SUSD5: variants seen among roughly 807,000 people sequenced by gnomAD.
SUSD5 encodes sushi domain-containing protein 5.
In SUSD5, 33 loss-of-function variants were observed where a neutral mutation model predicts 29.5. The ratio of observed to expected loss-of-function variants is 1.12; its 90% confidence interval spans 0.85 to 1.49. SUSD5 has a LOEUF of 1.49. Ranked by LOEUF, SUSD5 falls within the 40% of genes most tolerant of loss-of-function variation. The probability of loss-of-function intolerance (pLI) is 0.00; values close to 1 mark genes in which losing one functional copy is unlikely to be tolerated. For missense variants in SUSD5, 776 were observed against 800.6 expected (o/e 0.97, Z 0.37); for synonymous variants, 308 against 325.3 (o/e 0.95, Z 0.57).
At chr3:33,215,756 T>C (rs1025348597) in intron 1 of SUSD5, among the ~76,000 whole-genome samples, 3 of 152,186 alleles carry the variant, frequency 2.0e-5, no homozygotes, top group Non-Finnish European at 2.9e-5. Context: ...AATATACTTC[T>C]AAATAAACTG....
rs2031331727 is a variant in SUSD5, at chr3:33,167,569, T to C, written c.598+7317A>G. ...CCAGGGCCCCGAACTAAGCTCTTCC[T>C]GTCTCCCCAGGTTCGCAGGTCAAGG... On this transcript the variant is annotated intron_variant, in intron 4 of 4. Transcript: ENST00000309558. The surrounding 1 kb of genome is among the most constrained non-coding windows in gnomAD (Gnocchi z 4.1). Among the ~76,000 whole-genome samples, 1 of 152,208 alleles carries C rather than the reference T, an allele frequency of 6.6e-6. No homozygotes were observed. Among genetic ancestry groups the C allele is most frequent in the Non-Finnish European group, 1.5e-5 (1 of 68,024 alleles).
chr3:33,207,773 C>G, intron 3 of SUSD5, 35 bp downstream of exon 3: 3 of 1,447,692 alleles, frequency 2.1e-6, no homozygotes, highest in Non-Finnish European at 2.9e-6. Flanking sequence ...CAAGAGCACA[C>G]CCTCCAGCAC....
At chr3:33,171,467 T>A (rs116470622) in intron 4 of SUSD5, among the ~76,000 whole-genome samples, 20,346 of 152,196 alleles carry the variant, frequency 0.13, 1,574 homozygotes, top group South Asian at 0.23. Context: ...GTAGGAAATT[T>A]TTTTAAAAAG....
chr3:33,183,709 T>C (rs35378277), intron 3 of SUSD5, among the ~76,000 whole-genome samples: 13,997 of 152,084 alleles, frequency 0.092, 749 homozygotes, highest in East Asian at 0.18. Flanking sequence ...TTTATTTACA[T>C]AGGTCTGAGT....
chr3:33,177,763 A>C (rs997961426), intron 3 of SUSD5, among the ~76,000 whole-genome samples: 1 of 152,236 alleles, frequency 6.6e-6, no homozygotes, highest in Non-Finnish European at 1.5e-5. Flanking sequence ...TGTATCCTGC[A>C]ATCCTGCTAT....
At position 33,153,566 on chromosome 3, in the gene SUSD5, T is replaced by G; in HGVS notation, c.1066A>C (p.Ser356Arg). Residue 356 changes from serine to arginine, a missense_variant, in exon 5 of 5, where the codon AGC becomes CGC. Physicochemically the swap from Ser to Arg is moderately radical, Grantham distance 110. Transcript: ENST00000309558. Reference sequence around the variant, plus strand: ...CTCACCACTGGATCTCCTGCCTTGCTGTCATTCTTGCCCACAAATGGCCCC... The same window carrying G: ...CTCACCACTGGATCTCCTGCCTTGCGGTCATTCTTGCCCACAAATGGCCCC... ...PSGPFVGKND[S>R]KAGDPVVSSS... The G allele has an allele frequency of 6.2e-7, 1 of 1,614,062 alleles. No individual in the cohort carries two copies. Among genetic ancestry groups the G allele is most frequent in the Admixed American group, 1.7e-5 (1 of 60,024 alleles).
At position 33,218,766 on chromosome 3, in the gene SUSD5, C is replaced by T; in HGVS notation, c.32G>A (p.Arg11His). Residue 11 changes from arginine (R) to histidine (H), a missense_variant, in exon 1 of 5, where the codon CGT (arginine) becomes CAT (histidine). Physicochemically the swap from Arg to His is conservative, Grantham distance 29. Transcript: ENST00000309558. MTAEGPSPPA[R>H]WHRRLPGLWA... ...GAGCCCGGGGAGGCGTCTGTGCCAA[C>T]GGGCAGGCGGGCTGGGTCCCTCGGC... 2 of 1,426,580 alleles carry T rather than the reference C, an allele frequency of 1.4e-6. No individual in the cohort carries two copies. Among genetic ancestry groups the T allele is most frequent in the East Asian group, 3.0e-5 (1 of 33,202 alleles). The allele number at this position is 1,426,580 out of a possible 1,614,324, so 88.4% of individuals were successfully genotyped here.
chr3:33,205,746 C>A (rs1478006999), intron 3 of SUSD5, among the ~76,000 whole-genome samples: 3 of 152,202 alleles, frequency 2.0e-5, no homozygotes, highest in Non-Finnish European at 4.4e-5. Flanking sequence ...CAACGGCCAG[C>A]CAACTCCTAG....
rs147391255 is a variant in SUSD5 at position 33,215,466 on chromosome 3, T to C, written c.113-1361A>G. Among the ~76,000 whole-genome samples, 844 of 152,326 alleles carry C rather than the reference T, an allele frequency of 5.5e-3. 29 individuals are homozygous for C. The highest frequency in any genetic ancestry group is 4.8e-3 in the East Asian group (25 of 5,194). ...AACAAAGCTAAAATCACTTATTTTA[T>C]ATATGAAACACTTATATAGTGTTTA... On this transcript the variant is annotated intron_variant, in intron 1 of 4. Transcript: ENST00000309558.
In SUSD5 at chr3:33,204,269, T is replaced by C. The variant is rs756077231; in HGVS notation, c.409+3539A>G. Among the ~76,000 whole-genome samples, 56 of 151,998 alleles carry C rather than the reference T, an allele frequency of 3.7e-4. No homozygotes were observed. Among genetic ancestry groups the C allele is most frequent in the Non-Finnish European group, 6.3e-4 (43 of 67,988 alleles). ...TGGGCTCAAGTTATCCTCCAAAGTGTTGGGACTACAGGCATAAGCCACCAT... is the reference window on the plus strand; with the variant it reads ...TGGGCTCAAGTTATCCTCCAAAGTGCTGGGACTACAGGCATAAGCCACCAT... On this transcript the variant is annotated intron_variant, in intron 3 of 4. Transcript: ENST00000309558. The surrounding 1 kb of genome is among the most constrained non-coding windows in gnomAD (Gnocchi z 4.5).
intron 2 of SUSD5, 135 bp downstream of exon 2, chr3:33,213,793 A>T: frequency 9.8e-7 from 1 of 1,024,446 alleles, no homozygotes; most frequent in Non-Finnish European, 1.4e-6. Flanking sequence ...AAAACAAAAC[A>T]AAACAAAACA....
At chr3:33,184,371 T>C (rs917038607) in intron 3 of SUSD5, among the ~76,000 whole-genome samples, 18 of 152,202 alleles carry the variant, frequency 1.2e-4, no homozygotes, top group Admixed American at 6.5e-5. Context: ...TTTAAATTTT[T>C]TTGTAGTTTG....
At chr3:33,211,978 A>G (rs549287109) in intron 2 of SUSD5, among the ~76,000 whole-genome samples, 1 of 152,272 alleles carries the variant, frequency 6.6e-6, no homozygotes, top group East Asian at 1.9e-4. Context: ...TCCCAGCACC[A>G]TTTATTGAAG....
chr3:33,203,083 A>G (rs937996777), intron 3 of SUSD5, among the ~76,000 whole-genome samples: 5 of 152,218 alleles, frequency 3.3e-5, no homozygotes, highest in Admixed American at 6.5e-5. Flanking sequence ...GGAACCTCAC[A>G]GCACAGCCTG....
chr3:33,201,300 C>T (rs2032112643), intron 3 of SUSD5, among the ~76,000 whole-genome samples: 1 of 151,922 alleles, frequency 6.6e-6, no homozygotes, highest in African/African-American at 2.4e-5. Flanking sequence ...CTTTGAACTC[C>T]TCCTCACATT....
intron 3 of SUSD5, among the ~76,000 whole-genome samples, chr3:33,182,855 C>T (rs574013583): frequency 1.9e-4 from 29 of 151,584 alleles, no homozygotes; most frequent in Non-Finnish European, 3.8e-4. Context: ...GGTGTGATCT[C>T]GGCTCACTGC....
intron 3 of SUSD5, among the ~76,000 whole-genome samples, chr3:33,180,732 C>T (rs947918056): frequency 2.0e-5 from 3 of 151,828 alleles, no homozygotes; most frequent in Non-Finnish European, 4.4e-5. Flanking sequence ...CTCAGTTACT[C>T]GGGAGGCTGA....
At chr3:33,218,568 C>G in intron 1 of SUSD5, 118 bp downstream of exon 1, 1 of 956,782 alleles carries the variant, frequency 1.0e-6, no homozygotes, top group Non-Finnish European at 1.4e-6. Context: ...GTTCGTTCCT[C>G]TCAGGCTTGC....
chr3:33,213,227 C>T (rs1189781038), intron 2 of SUSD5, among the ~76,000 whole-genome samples: 1 of 151,734 alleles, frequency 6.6e-6, no homozygotes, highest in Non-Finnish European at 1.5e-5. Flanking sequence ...GGCAACATAG[C>T]AAGCATTTTT....
Sources: allele counts gnomAD v4.1 joint callset (sites outside exome capture counted in the v4.1 genomes callset), GRCh38; gene constraint gnomAD v4.1.1; non-coding constraint Gnocchi (gnomAD v3.1); transcripts MANE v1.5; gene names NCBI Gene and HGNC (gene_info 2026-07-23, HGNC 2026-07-21).